The following IGHMBP2 variants were observed in gnomAD, a reference collection of about 807,000 sequenced individuals.
IGHMBP2 encodes DNA-binding protein SMUBP-2.
A neutral mutation model predicts 96.0 loss-of-function variants in IGHMBP2; 81 were observed. The observed-to-expected ratio is 0.84, with a 90% CI of 0.71 to 1.01. IGHMBP2 has a LOEUF of 1.01. IGHMBP2 is among the 50% of genes least tolerant of loss of function. The probability of loss-of-function intolerance (pLI) is 0.00; values close to 1 mark genes in which losing one functional copy is unlikely to be tolerated. For missense variants in IGHMBP2, 1,227 were observed against 1,306.3 expected (o/e 0.94, Z 0.94); for synonymous variants, 557 against 548.9 (o/e 1.01, Z -0.21).
chr11:68,908,064 G>T (rs571528436), intron 2 of IGHMBP2, 81 bp from the exon 3 acceptor site: 2 of 1,049,898 alleles, frequency 1.9e-6, no homozygotes, highest in African/African-American at 1.6e-5. Flanking sequence ...TAAAATATTT[G>T]AAGTATAGTG....
chr11:68,927,978 T>C (rs1859136696), intron 7 of IGHMBP2, among the ~76,000 whole-genome samples: 1 of 152,206 alleles, frequency 6.6e-6, no homozygotes, highest in South Asian at 2.1e-4. Flanking sequence ...GGGATTCAGA[T>C]GCTTTTCTGG....
At position 68,938,169 on chromosome 11, in the gene IGHMBP2, G is replaced by A. The variant is rs369494910; in HGVS notation, c.2612-13G>A. 185 of 1,613,790 alleles carry A rather than the reference G, an allele frequency of 1.1e-4. No individual in the cohort carries two copies. The highest frequency in any genetic ancestry group is 1.4e-4 in the Non-Finnish European group (171 of 1,179,972). On this transcript the variant is annotated splice_polypyrimidine_tract_variant and intron_variant, in intron 13 of 14. Coordinates refer to ENST00000255078, the MANE Select transcript of IGHMBP2 (RefSeq NM_002180.3). Reference sequence around the variant, plus strand: ...GTCTTTCCGTTTGCCTGAGTGACGCGGGTCTTCTCCAGGACATCCGGCCAC... The same window carrying A: ...GTCTTTCCGTTTGCCTGAGTGACGCAGGTCTTCTCCAGGACATCCGGCCAC...
rs137852665 is a variant in IGHMBP2, at chr11:68,934,466, G to A, written c.1540G>A (p.Glu514Lys). 1.3e-5 allele frequency: 21 copies of A among 1,606,692 alleles called. No homozygotes were observed. Among genetic ancestry groups the A allele is most frequent in the Non-Finnish European group, 1.7e-5 (20 of 1,176,302 alleles). ...ACCCGTTCTTTCTTTCCCTCCAGGC[G>A]AAGTCCGCCTCGTCAGTTTGCACAT... ...EDEQSKGNPG[E>K]VRLVSLHIQA... The change falls in exon 11 of 15, where the codon GAA becomes AAA. Residue 514 changes from glutamate to lysine, a missense_variant and splice_region_variant. This residue lies in a region of IGHMBP2 where 703 missense variants were observed against 770.3 expected (regional missense o/e 0.91). Transcript: ENST00000255078.
chr11:68,933,856 G>T lies in IGHMBP2; in HGVS notation c.1480G>T (p.Ala494Ser), dbSNP rs774157742. 1.9e-6 allele frequency: 3 copies of T among 1,607,648 alleles called. No homozygotes were observed. Among genetic ancestry groups the T allele is most frequent in the Admixed American group, 3.4e-5 (2 of 59,122 alleles). Residue 494 changes from alanine to serine, a missense_variant, in exon 10 of 15, where the codon GCC becomes TCC. Coordinates refer to ENST00000255078, the MANE Select transcript of IGHMBP2 (RefSeq NM_002180.3). ...TGTGCCCCTGCTCTTGGTGGACACCGCCGGCTGCGGGCTGTTTGAGCTGGA... is the reference window on the plus strand; with the variant it reads ...TGTGCCCCTGCTCTTGGTGGACACCTCCGGCTGCGGGCTGTTTGAGCTGGA... Reference protein sequence around the residue: ...TGVPLLLVDTAGCGLFELEEE... With the variant: ...TGVPLLLVDTSGCGLFELEEE...
At chr11:68,938,761 C>T (rs1270272742) in intron 14 of IGHMBP2, among the ~76,000 whole-genome samples, 2 of 152,132 alleles carry the variant, frequency 1.3e-5, no homozygotes, top group Non-Finnish European at 2.9e-5. Flanking sequence ...CCCCCTGGGC[C>T]AGGTGTGGGC....
At position 68,939,560 on chromosome 11, in the gene IGHMBP2, C is replaced by T. The variant is rs752860280; in HGVS notation, c.2811C>T (p.Arg937=). Residue 937 remains arginine (R), a synonymous_variant, in exon 15 of 15, where the codon CGC becomes CGT. Coordinates refer to ENST00000255078, the MANE Select transcript of IGHMBP2 (RefSeq NM_002180.3). The part of the protein sequence containing the change: ...PEIHGCGERA[R]AHARQRISRE... The stretch of plus-strand genomic sequence containing the variant: ...TCCATGGCTGCGGTGAGAGGGCTCG[C>T]GCCCATGCCCGGCAGAGAATCAGCC... 8.1e-6 allele frequency: 13 copies of T among 1,612,388 alleles called. No individual in the cohort carries two copies. Among genetic ancestry groups the T allele is most frequent in the South Asian group, 5.5e-5 (5 of 91,036 alleles).
chr11:68,936,302 G>T lies in IGHMBP2; in HGVS notation c.1822G>T (p.Val608Leu). The change falls in exon 13 of 15, where the codon GTG becomes TTG. Residue 608 changes from valine (V) to leucine (L), a missense_variant. Physicochemically the swap from Val to Leu is conservative, Grantham distance 32 (BLOSUM62 1). Transcript: ENST00000255078. ...GGCTGTCACCCGTGCCCGACGCCACGTGGCGGTCATCTGTGACTCCCGTAC... is the reference window on the plus strand; with the variant it reads ...GGCTGTCACCCGTGCCCGACGCCACTTGGCGGTCATCTGTGACTCCCGTAC... ...NVAVTRARRH[V>L]AVICDSRTVN... 1 of 1,614,216 alleles carries T rather than the reference G, an allele frequency of 6.2e-7. No individual in the cohort carries two copies. The highest frequency in any genetic ancestry group is 1.1e-5 in the South Asian group (1 of 91,086).
At chr11:68,909,214 C>T (rs1566425690) in intron 4 of IGHMBP2, among the ~76,000 whole-genome samples, 1 of 146,698 alleles carries the variant, frequency 6.8e-6, no homozygotes, top group Non-Finnish European at 1.5e-5. Flanking sequence ...GAGTCTCGCT[C>T]TGTCACCCAG....
At chr11:68,922,066 A>C (rs1319884436) in intron 7 of IGHMBP2, among the ~76,000 whole-genome samples, 1 of 152,100 alleles carries the variant, frequency 6.6e-6, no homozygotes, top group Non-Finnish European at 1.5e-5. Flanking sequence ...GTGGTGGCTC[A>C]TGCCTGTAAT....
At chr11:68,908,486 C>T (rs569403662) in intron 3 of IGHMBP2, 48 bp from the exon 4 acceptor site, 24 of 1,512,582 alleles carry the variant, frequency 1.6e-5, no homozygotes, top group Admixed American at 1.2e-4. Context: ...GGCAGAGGCT[C>T]GGGCACTGAA....
At chr11:68,937,865 G>T in intron 13 of IGHMBP2, 1 of 386,068 alleles carries the variant, frequency 2.6e-6, no homozygotes, top group Non-Finnish European at 4.9e-6. Flanking sequence ...AGCAGCTACT[G>T]TATGCCACGC....
At chr11:68,938,375 G>A in intron 14 of IGHMBP2, 21 bp downstream of exon 14, 1 of 1,592,488 alleles carries the variant, frequency 6.3e-7, no homozygotes, top group South Asian at 1.1e-5. Context: ...CTCCCCTCCT[G>A]CGATCAAACA....
In IGHMBP2 at chr11:68,933,779, T is replaced by C; in HGVS notation, c.1419-16T>C. ...CTGTGGCCCCCTGATGTGCTCCCTC[T>C]CTGCCTGTGTGCCAGGGACCTCCCA... is the stretch of plus-strand genomic sequence containing the variant. On this transcript the variant is annotated splice_polypyrimidine_tract_variant and intron_variant, in intron 9 of 14. Transcript: ENST00000255078. 1 of 1,596,822 alleles carries C rather than the reference T, an allele frequency of 6.3e-7. No individual in the cohort carries two copies. The highest frequency in any genetic ancestry group is 1.1e-5 in the South Asian group (1 of 90,362).
intron 4 of IGHMBP2, among the ~76,000 whole-genome samples, chr11:68,910,570 C>T (rs1007188472): frequency 6.6e-6 from 1 of 152,218 alleles, no homozygotes; most frequent in African/African-American, 2.4e-5. Flanking sequence ...GCACCACCTG[C>T]TCTCAAGAGC....
chr11:68,938,224 C>T lies in IGHMBP2; in HGVS notation c.2654C>T (p.Ala885Val). 3.1e-6 allele frequency: 5 copies of T among 1,614,072 alleles called. No individual in the cohort carries two copies. In the South Asian group the frequency reaches 4.4e-5, roughly 14 times the overall value. The change falls in exon 14 of 15, where the codon GCC (alanine) becomes GTC (valine). Residue 885 changes from alanine to valine, a missense_variant. By Grantham distance (64) the Ala-to-Val change is moderately conservative. Around this residue, in one of 3 missense-constraint regions of IGHMBP2, gnomAD observed 703 missense variants for 770.3 expected, o/e 0.91. Transcript: ENST00000255078. ...TDLPTEEDFE[A>V]LVSAAVKADN... ...CTGCCCACGGAGGAGGACTTTGAGGCCCTGGTTTCTGCCGCCGTTAAGGCT... is the reference window on the plus strand; with the variant it reads ...CTGCCCACGGAGGAGGACTTTGAGGTCCTGGTTTCTGCCGCCGTTAAGGCT...
chr11:68,930,311 G>C, intron 8 of IGHMBP2: 1 of 1,289,626 alleles, frequency 7.8e-7, no homozygotes, highest in Non-Finnish European at 1.0e-6. Context: ...CTGTTTCACT[G>C]TGGGTGTGTA....
At chr11:68,931,102 C>G (rs1299865106) in intron 8 of IGHMBP2, among the ~76,000 whole-genome samples, 2 of 152,192 alleles carry the variant, frequency 1.3e-5, no homozygotes, top group African/African-American at 4.8e-5. Context: ...TTCCACTGTC[C>G]CCTTCCACTC....
At position 68,911,484 on chromosome 11, in the gene IGHMBP2, G is replaced by C; in HGVS notation, c.592G>C (p.Glu198Gln). Residue 198 changes from glutamate (E) to glutamine (Q), a missense_variant, in exon 5 of 15, where the codon GAA (glutamate) becomes CAA (glutamine). Physicochemically the swap from Glu to Gln is conservative, Grantham distance 29. Transcript: ENST00000255078. ...FNTCLDTSQK[E>Q]AVLFALSQKE... ...CACCTGCCTGGACACCTCCCAGAAA[G>C]AAGCGGTTTTATTTGCGCTGTCTCA... 1.2e-6 allele frequency: 2 copies of C among 1,614,168 alleles called. No homozygotes were observed. Among genetic ancestry groups the C allele is most frequent in the Non-Finnish European group, 1.7e-6 (2 of 1,180,040 alleles).
intron 7 of IGHMBP2, among the ~76,000 whole-genome samples, chr11:68,924,700 C>T (rs1858999598): frequency 6.6e-6 from 1 of 152,226 alleles, no homozygotes; most frequent in African/African-American, 2.4e-5. Context: ...GGGTTATCGT[C>T]TTATGTAATG....
Sources: gnomAD v4.1 joint callset for allele counts (sites outside exome capture counted in the v4.1 genomes callset) on GRCh38, gnomAD v4.1.1 for gene constraint, gnomAD v4.1.1 regional missense constraint, MANE v1.5 for transcripts, NCBI Gene and HGNC (gene_info 2026-07-23, HGNC 2026-07-21) for gene names.